The following NT5C3A variants were observed in gnomAD, a reference collection of about 807,000 sequenced individuals.
NT5C3A encodes the protein cytosolic 5'-nucleotidase 3A.
NT5C3A carries 23 observed loss-of-function variants against 40.0 expected under a neutral mutation model. That is an observed-to-expected ratio of 0.58 (90% CI 0.41 to 0.81). The LOEUF is 0.81. NT5C3A is among the 40% of genes least tolerant of loss of function. NT5C3A has a pLI of 0.00. For missense variants in NT5C3A, 328 were observed against 403.0 expected (o/e 0.81, Z 1.59); for synonymous variants, 130 against 141.4 (o/e 0.92, Z 0.57).
At chr7:33,038,164 G>C (rs77110386) in intron 1 of NT5C3A, among the ~76,000 whole-genome samples, 6,658 of 151,594 alleles carry the variant, frequency 0.044, 198 homozygotes, top group East Asian at 0.14. Context: ...TGAAAAAAAG[G>C]AATAGTGTGG....
intron 1 of NT5C3A, chr7:33,036,022 GAA>G: frequency 5.5e-6 from 8 of 1,456,460 alleles, no homozygotes; most frequent in South Asian, 2.4e-5. Flanking sequence ...CAGCAAAAGA[GAA>G]AAAAAAAAGT....
At chr7:33,032,494 T>C (rs1786333200) in intron 1 of NT5C3A, among the ~76,000 whole-genome samples, 1 of 151,526 alleles carries the variant, frequency 6.6e-6, no homozygotes, top group African/African-American at 2.4e-5. Context: ...TCTTGCTCTG[T>C]CACCCAGGCT....
At chr7:33,055,970 C>A (rs1330581138) in intron 1 of NT5C3A, among the ~76,000 whole-genome samples, 1 of 152,000 alleles carries the variant, frequency 6.6e-6, no homozygotes, top group Non-Finnish European at 1.5e-5. Context: ...ATTAGCCAGG[C>A]ATAATGGCTC....
intron 7 of NT5C3A, among the ~76,000 whole-genome samples, chr7:33,016,371 C>CTG (rs1459548602): frequency 2.3e-5 from 3 of 129,858 alleles, no homozygotes. Context: ...GAGACTCTGT[C>CTG]TCAAAAAAAA....
At chr7:33,022,934 T>TTC (rs1785707091) in intron 3 of NT5C3A, among the ~76,000 whole-genome samples, 1 of 151,684 alleles carries the variant, frequency 6.6e-6, no homozygotes, top group Non-Finnish European at 1.5e-5. Context: ...TTTTTTTTTT[T>TTC]CGAGACAGGG....
chr7:33,058,583 T>C (rs1787658827), intron 1 of NT5C3A, among the ~76,000 whole-genome samples: 1 of 152,198 alleles, frequency 6.6e-6, no homozygotes, highest in Non-Finnish European at 1.5e-5. Flanking sequence ...ACTCCTGACC[T>C]CAGATGATCC....
intron 1 of NT5C3A, among the ~76,000 whole-genome samples, chr7:33,042,014 A>AC (rs1444818053): frequency 6.6e-6 from 1 of 152,200 alleles, no homozygotes; most frequent in Admixed American, 6.5e-5. Flanking sequence ...CATGAAAAAA[A>AC]TTTTAAATTG....
chr7:33,027,550 T>C (rs1298813050), intron 1 of NT5C3A, among the ~76,000 whole-genome samples: 1 of 152,040 alleles, frequency 6.6e-6, no homozygotes, highest in Non-Finnish European at 1.5e-5. Context: ...AAAAAGACAA[T>C]AAAAACTGCC....
intron 1 of NT5C3A, among the ~76,000 whole-genome samples, chr7:33,056,936 C>G (rs995943438): frequency 6.6e-6 from 1 of 151,998 alleles, no homozygotes; most frequent in South Asian, 2.1e-4. Flanking sequence ...CTCAGCCTCC[C>G]GAGTAGCTGG....
At position 33,017,523 on chromosome 7, in the gene NT5C3A, A is replaced by G. The variant is rs546177345; in HGVS notation, c.609T>C (p.Asp203=). The G allele has an allele frequency of 1.8e-5, 29 of 1,613,754 alleles. No individual in the cohort carries two copies. Among genetic ancestry groups the G allele is most frequent in the East Asian group, 1.1e-4 (5 of 44,864 alleles). The stretch of plus-strand genomic sequence containing the variant: ...CTTGACGAATAACTTCCTCTAGTAC[A>G]TCGCCGATTCCAGCCGAAAATATGA... ...PVFIFSAGIG[D]VLEEVIRQAG... is the part of the protein sequence containing the mutation. Residue 203 remains aspartate, a synonymous_variant, in exon 7 of 9, where the codon GAT becomes GAC. Coordinates refer to ENST00000610140, the MANE Select transcript of NT5C3A (RefSeq NM_001002010.5).
intron 6 of NT5C3A, among the ~76,000 whole-genome samples, chr7:33,018,844 GA>G (rs112549232): frequency 6.3e-5 from 9 of 142,938 alleles, no homozygotes; most frequent in Admixed American, 2.1e-4. Flanking sequence ...AAAAAAAAAA[GA>G]AAAAAAAAAG....
intron 1 of NT5C3A, among the ~76,000 whole-genome samples, chr7:33,034,464 A>C (rs1786470910): frequency 6.6e-6 from 1 of 152,220 alleles, no homozygotes; most frequent in Non-Finnish European, 1.5e-5. Flanking sequence ...AACCCAAACA[A>C]GAAAATAAGT....
intron 1 of NT5C3A, among the ~76,000 whole-genome samples, chr7:33,028,734 C>T (rs1224573524): frequency 6.6e-6 from 1 of 152,020 alleles, no homozygotes; most frequent in African/African-American, 2.4e-5. Context: ...GGACTGTCTT[C>T]CAAAGACTGG....
Position 33,022,042 on chromosome 7 carries a change from T to A in NT5C3A, c.354+11A>T. On this transcript the variant is annotated intron_variant, in intron 4 of 8. Coordinates refer to ENST00000610140, the MANE Select transcript of NT5C3A (RefSeq NM_001002010.5). ...GTCTTTGAGTGACTATAGATTGTTG[T>A]TAGTGTTTACCTTTTTTCTACATTC... The A allele has an allele frequency of 6.9e-7, 1 of 1,455,418 alleles. No homozygotes were observed. Among genetic ancestry groups the A allele is most frequent in the South Asian group, 1.1e-5 (1 of 87,506 alleles). 90.2% of individuals were successfully genotyped at this position (1,455,418 alleles called of 1,614,324 possible).
intron 1 of NT5C3A, among the ~76,000 whole-genome samples, chr7:33,061,934 T>C (rs1787794135): frequency 6.6e-6 from 1 of 152,148 alleles, no homozygotes; most frequent in African/African-American, 2.4e-5. Flanking sequence ...AATTCGAAAA[T>C]GTATACAAGA....
At chr7:33,058,991 GA>G (rs1431722577) in intron 1 of NT5C3A, among the ~76,000 whole-genome samples, 2 of 152,184 alleles carry the variant, frequency 1.3e-5, no homozygotes. Context: ...TGACCTTAGA[GA>G]AGATGGACAT....
At chr7:33,024,002 A>G (rs1294318796) in intron 3 of NT5C3A, 37 bp downstream of exon 3, 2 of 1,184,826 alleles carry the variant, frequency 1.7e-6, no homozygotes, top group Non-Finnish European at 1.3e-6. Flanking sequence ...TAATGATGAC[A>G]TGCTTTTGTG....
chr7:33,053,023 C>A (rs771807444), intron 1 of NT5C3A, among the ~76,000 whole-genome samples: 4 of 152,142 alleles, frequency 2.6e-5, no homozygotes, highest in Non-Finnish European at 5.9e-5. Context: ...ATATAACCAG[C>A]TCTTAGGAGC....
At chr7:33,032,661 T>C (rs1165644519) in intron 1 of NT5C3A, among the ~76,000 whole-genome samples, 1 of 151,974 alleles carries the variant, frequency 6.6e-6, no homozygotes, top group Non-Finnish European at 1.5e-5. Flanking sequence ...TTTGTAGTGT[T>C]GCCCAGGCTG....
Sources: allele counts gnomAD v4.1 joint callset (sites outside exome capture counted in the v4.1 genomes callset), GRCh38; gene constraint gnomAD v4.1.1; transcripts MANE v1.5; gene names NCBI Gene and HGNC (gene_info 2026-07-23, HGNC 2026-07-21).